Variants in DENND1A observed in about 807,000 individuals in gnomAD.
DENND1A encodes the protein DENN domain-containing protein 1A.
In DENND1A, 51 loss-of-function variants were observed where a neutral mutation model predicts 113.7. The ratio of observed to expected loss-of-function variants is 0.45; its 90% CI spans 0.36 to 0.57. The LOEUF (loss-of-function observed/expected upper bound fraction) is 0.57, where lower values mean the gene tolerates loss of function less well. DENND1A is among the 20% of genes least tolerant of loss of function. The probability of loss-of-function intolerance (pLI) is 0.00; values close to 1 mark genes in which losing one functional copy is unlikely to be tolerated. For synonymous variants in DENND1A, 565 were observed against 570.8 expected (o/e 0.99, Z 0.14); for missense variants, 1,258 against 1,395.9 (o/e 0.90, Z 1.57).
intron 13 of DENND1A, among the ~76,000 whole-genome samples, chr9:123,521,665 A>T (rs1299340396): frequency 6.6e-6 from 1 of 152,216 alleles, no homozygotes; most frequent in Non-Finnish European, 1.5e-5. Context: ...GTGTCACCAA[A>T]GGCTGGCCTC....
intron 19 of DENND1A, among the ~76,000 whole-genome samples, chr9:123,438,184 G>A (rs909354555): frequency 5.9e-5 from 9 of 152,106 alleles, no homozygotes; most frequent in Non-Finnish European, 5.9e-5. Flanking sequence ...TACTTCTTAC[G>A]GTCAACAGCC....
intron 13 of DENND1A, among the ~76,000 whole-genome samples, chr9:123,513,243 T>C (rs1355882356): frequency 6.6e-6 from 1 of 152,194 alleles, no homozygotes; most frequent in East Asian, 1.9e-4. Flanking sequence ...AGAATCAGCC[T>C]GGCACACTGA....
intron 11 of DENND1A, among the ~76,000 whole-genome samples, chr9:123,587,281 C>T (rs2059224242): frequency 6.6e-6 from 1 of 152,090 alleles, no homozygotes; most frequent in Admixed American, 6.6e-5. Flanking sequence ...ATAGAGTACA[C>T]AGAGATAAGA....
At chr9:123,607,492 C>A (rs546345351) in intron 11 of DENND1A, among the ~76,000 whole-genome samples, 1 of 52,238 alleles carries the variant, frequency 1.9e-5, no homozygotes, top group Non-Finnish European at 4.0e-5. Context: ...GAGAGAGACA[C>A]ACACACACAC....
At chr9:123,878,404 A>G (rs1448919687) in intron 2 of DENND1A, among the ~76,000 whole-genome samples, 1 of 152,168 alleles carries the variant, frequency 6.6e-6, no homozygotes, top group Non-Finnish European at 1.5e-5. Flanking sequence ...GGTCCTTCCT[A>G]GGACCCTCTT....
At chr9:123,474,992 T>A (rs2133496011) in intron 13 of DENND1A, among the ~76,000 whole-genome samples, 1 of 152,200 alleles carries the variant, frequency 6.6e-6, no homozygotes, top group Non-Finnish European at 1.5e-5. Flanking sequence ...TAGGACCTAC[T>A]TTGTCACACC....
At chr9:123,646,518 A>G (rs1406935305) in intron 9 of DENND1A, among the ~76,000 whole-genome samples, 1 of 152,114 alleles carries the variant, frequency 6.6e-6, no homozygotes, top group African/African-American at 2.4e-5. Context: ...GAGCTTGCTT[A>G]CTGCTGGAGT....
At chr9:123,555,951 C>T (rs2057391484) in intron 13 of DENND1A, among the ~76,000 whole-genome samples, 2 of 152,180 alleles carry the variant, frequency 1.3e-5, no homozygotes, top group Non-Finnish European at 2.9e-5. Context: ...AAGGATTGGG[C>T]CAGTTGTCCT....
chr9:123,682,278 G>A (rs1297246071), intron 5 of DENND1A, among the ~76,000 whole-genome samples: 2 of 152,222 alleles, frequency 1.3e-5, no homozygotes, highest in African/African-American at 4.8e-5. Flanking sequence ...GGCACCATTA[G>A]AATAGATGAT....
At chr9:123,433,984 A>G (rs2046330297) in intron 19 of DENND1A, among the ~76,000 whole-genome samples, 1 of 152,236 alleles carries the variant, frequency 6.6e-6, no homozygotes, top group Admixed American at 6.5e-5. Flanking sequence ...ATAAAATGAG[A>G]CGGGATCTAA....
chr9:123,585,283 G>A (rs572450144), intron 11 of DENND1A, among the ~76,000 whole-genome samples: 13 of 152,274 alleles, frequency 8.5e-5, no homozygotes, highest in African/African-American at 1.7e-4. Context: ...CACAATTGCC[G>A]ATGTAGGAGT....
At chr9:123,746,361 T>C (rs1375809139) in intron 5 of DENND1A, among the ~76,000 whole-genome samples, 1 of 152,160 alleles carries the variant, frequency 6.6e-6, no homozygotes, top group Non-Finnish European at 1.5e-5. Context: ...TAAAAATATT[T>C]TTATTATAAA....
intron 2 of DENND1A, among the ~76,000 whole-genome samples, chr9:123,831,975 T>TCCC (rs2132791315): frequency 6.6e-6 from 1 of 152,054 alleles, no homozygotes; most frequent in East Asian, 1.9e-4. Flanking sequence ...AGAGTGAGAC[T>TCCC]CCATCTCCAA....
At chr9:123,436,520 A>C (rs189737681) in intron 19 of DENND1A, among the ~76,000 whole-genome samples, 7 of 152,306 alleles carry the variant, frequency 4.6e-5, no homozygotes, top group Non-Finnish European at 1.0e-4. Context: ...AAATGATACT[A>C]AACTTGAGAA....
chr9:123,744,710 C>T lies in DENND1A; in HGVS notation c.302+12993G>A, dbSNP rs2069323599. On this transcript the variant is annotated intron_variant, in intron 5 of 23. Transcript: ENST00000394215. Reference sequence around the variant, plus strand: ...GGTCTACCTTTCAATATCTACTATACTATGTGATGTGGTGAGATGTCCACG... The same window carrying T: ...GGTCTACCTTTCAATATCTACTATATTATGTGATGTGGTGAGATGTCCACG... 2.0e-5 allele frequency among the ~76,000 whole-genome samples: 3 copies of T among 150,842 alleles called. No homozygotes were observed. In the South Asian group the frequency reaches 6.3e-4, roughly 32 times the overall value.
At chr9:123,675,753 C>T (rs559909223) in intron 6 of DENND1A, among the ~76,000 whole-genome samples, 1 of 152,290 alleles carries the variant, frequency 6.6e-6, no homozygotes, top group East Asian at 1.9e-4. Context: ...GACCCAGGCA[C>T]TCTCTTACAT....
intron 5 of DENND1A, among the ~76,000 whole-genome samples, chr9:123,698,760 A>G (rs908523368): frequency 6.6e-6 from 1 of 152,224 alleles, no homozygotes; most frequent in African/African-American, 2.4e-5. Flanking sequence ...CCAAAAGAAC[A>G]GCTTGGCAGT....
intron 13 of DENND1A, among the ~76,000 whole-genome samples, chr9:123,552,719 T>G (rs1489767334): frequency 6.6e-6 from 1 of 152,220 alleles, no homozygotes; most frequent in African/African-American, 2.4e-5. Flanking sequence ...AGTGACCTAC[T>G]GTTCTCAGGC....
chr9:123,509,275 G>A (rs1008579854), intron 13 of DENND1A, among the ~76,000 whole-genome samples: 4 of 152,198 alleles, frequency 2.6e-5, no homozygotes, highest in Admixed American at 6.5e-5. Flanking sequence ...CGCAGAAGAC[G>A]TTCTCACCAA....
Sources: allele counts gnomAD v4.1 joint callset (sites outside exome capture counted in the v4.1 genomes callset), GRCh38; gene constraint gnomAD v4.1.1; transcripts MANE v1.5; gene names NCBI Gene and HGNC (gene_info 2026-07-23, HGNC 2026-07-21).